Variants in SOS2 observed in about 807,000 individuals in gnomAD.
SOS2 encodes SOS Ras/Rho guanine nucleotide exchange factor 2, also known as son of sevenless homolog 2.
Under a neutral mutation model 148.2 loss-of-function variants are expected in SOS2, and 65 were observed. The ratio of observed to expected loss-of-function variants is 0.44; its 90% CI spans 0.36 to 0.54. The LOEUF is 0.54. Ranked by LOEUF, SOS2 falls within the 20% of genes least tolerant of loss-of-function variation. The pLI is 0.00. For missense variants in SOS2, 1,341 were observed against 1,590.2 expected (o/e 0.84, Z 2.67); for synonymous variants, 539 against 537.1 (o/e 1.00, Z -0.05).
intron 4 of SOS2, among the ~76,000 whole-genome samples, chr14:50,192,729 TG>T (rs889409770): frequency 6.2e-4 from 94 of 152,126 alleles, no homozygotes; most frequent in African/African-American, 2.1e-3. Flanking sequence ...CCAGGCGTGG[TG>T]GCAAGTGCCT....
At chr14:50,178,717 CAT>C (rs1159344263) in intron 7 of SOS2, among the ~76,000 whole-genome samples, 454 of 7,286 alleles carry the variant, frequency 0.062, 11 homozygotes, top group Middle Eastern at 0.17. Context: ...TATATACACA[CAT>C]ATACACACAC....
intron 21 of SOS2, among the ~76,000 whole-genome samples, chr14:50,129,215 T>TA (rs201014074): frequency 7.9e-5 from 12 of 151,120 alleles, no homozygotes; most frequent in Non-Finnish European, 1.2e-4. Flanking sequence ...TAAGATGATG[T>TA]AAAAAAAAAT....
rs189447829 is a variant in SOS2, at chr14:50,145,443, T to A, written c.2504+34A>T. The A allele has an allele frequency of 1.9e-6, 3 of 1,585,250 alleles. No homozygotes were observed. In the Admixed American group the frequency reaches 5.4e-5, roughly 28 times the overall value. Reference sequence around the variant, plus strand: ...CTTAAATATGACTTAATATTATGGCTATTAGGAGGTAGTAAGAGTAAATTA... The same window carrying A: ...CTTAAATATGACTTAATATTATGGCAATTAGGAGGTAGTAAGAGTAAATTA... On this transcript the variant is annotated intron_variant, in intron 15 of 22. Coordinates refer to ENST00000216373, the MANE Select transcript of SOS2 (RefSeq NM_006939.4).
chr14:50,144,221 T>C (rs1156604766), intron 16 of SOS2, among the ~76,000 whole-genome samples: 1 of 151,952 alleles, frequency 6.6e-6, no homozygotes, highest in Non-Finnish European at 1.5e-5. Flanking sequence ...GATTTATCCA[T>C]GATAGAAAAC....
intron 4 of SOS2, among the ~76,000 whole-genome samples, chr14:50,197,356 C>T (rs944391231): frequency 6.6e-6 from 1 of 152,142 alleles, no homozygotes; most frequent in African/African-American, 2.4e-5. Flanking sequence ...ATCAAGTCAT[C>T]GAAGTCAACA....
intron 4 of SOS2, among the ~76,000 whole-genome samples, chr14:50,196,957 T>G (rs890132542): frequency 6.6e-6 from 1 of 152,028 alleles, no homozygotes. Context: ...AGCCTCAACC[T>G]CCCGAGCTCC....
chr14:50,157,269 T>C lies in SOS2; in HGVS notation c.1935-148A>G, dbSNP rs1884851069. ...TGAGGTATGATATACTACAAAAAAC[T>C]GTCCTTTGGCTATACAAAACTGACG... On this transcript the variant is annotated intron_variant, in intron 11 of 22. Transcript: ENST00000216373. 9 of 798,286 alleles carry C rather than the reference T, an allele frequency of 1.1e-5. 1 individual carries two copies. In the East Asian group the frequency reaches 1.5e-4, roughly 13 times the overall value. 49.5% of individuals were successfully genotyped at this position (798,286 alleles called of 1,614,324 possible).
intron 12 of SOS2, among the ~76,000 whole-genome samples, chr14:50,155,316 A>G (rs1284103867): frequency 6.6e-6 from 1 of 152,158 alleles, no homozygotes; most frequent in Non-Finnish European, 1.5e-5. Context: ...AATTCCATAC[A>G]GGTAATCTCA....
At chr14:50,180,741 T>C (rs1403748606) in intron 6 of SOS2, 59 bp from the exon 7 acceptor site, 8 of 934,322 alleles carry the variant, frequency 8.6e-6, no homozygotes, top group Middle Eastern at 2.5e-4. Context: ...TCTACCAATA[T>C]GGTACAGATT....
chr14:50,220,423 G>A (rs372215871), intron 1 of SOS2, among the ~76,000 whole-genome samples: 4,236 of 39,706 alleles, frequency 0.11, 11 homozygotes, highest in East Asian at 0.14. Context: ...AAAAAAAAAA[G>A]AACAGACCCT....
Position 50,163,409 on chromosome 14 carries a change from C to T in SOS2, c.1069-1800G>A, listed in dbSNP as rs980165974. ...ACTGGCTATTGTTTGACAACTTTGTCCATTACCTTTTATTTATGTCTTAGA... is the reference window on the plus strand; with the variant it reads ...ACTGGCTATTGTTTGACAACTTTGTTCATTACCTTTTATTTATGTCTTAGA... On this transcript the variant is annotated intron_variant, in intron 8 of 22. Transcript: ENST00000216373. Among the ~76,000 whole-genome samples, 3 of 152,188 alleles carry T rather than the reference C, an allele frequency of 2.0e-5. No individual in the cohort carries two copies. In the South Asian group the frequency reaches 6.2e-4, roughly 32 times the overall value.
intron 21 of SOS2, among the ~76,000 whole-genome samples, chr14:50,126,671 A>T (rs767107816): frequency 6.6e-6 from 1 of 152,166 alleles, no homozygotes; most frequent in Non-Finnish European, 1.5e-5. Flanking sequence ...TGAAAGATAA[A>T]GTGAGGAAAT....
At chr14:50,130,108 T>A (rs1443988697) in intron 20 of SOS2, 106 bp from the exon 21 acceptor site, 4 of 684,708 alleles carry the variant, frequency 5.8e-6, no homozygotes, top group Non-Finnish European at 9.9e-6. Context: ...AATTTTATCA[T>A]CATCTTTTGC....
intron 2 of SOS2, among the ~76,000 whole-genome samples, chr14:50,201,891 C>T (rs188417861): frequency 2.1e-3 from 323 of 152,250 alleles, no homozygotes; most frequent in Admixed American, 5.4e-3. Context: ...CTCAGAATGG[C>T]TTATGAAAAT....
rs1448734708 is a variant in SOS2, at chr14:50,231,308, T to A, written c.-25A>T. 6 of 1,349,700 alleles carry A rather than the reference T, an allele frequency of 4.4e-6. No individual in the cohort carries two copies. In the South Asian group the frequency reaches 7.3e-5, roughly 16 times the overall value. 83.6% of individuals were successfully genotyped at this position (1,349,700 alleles called of 1,614,324 possible). On this transcript the variant is annotated 5_prime_UTR_variant, in exon 1 of 23. An upstream start codon of the reference 5' UTR is lost. Coordinates refer to ENST00000216373, the MANE Select transcript of SOS2 (RefSeq NM_006939.4). ...TGGCCCCGGCGACAGCGCCTCCGCA[T>A]CGGGGGCAGCCCGCGGGCCGGGCCG...
chr14:50,141,418 G>A (rs1295890438), intron 16 of SOS2, among the ~76,000 whole-genome samples: 1 of 151,556 alleles, frequency 6.6e-6, no homozygotes, highest in Admixed American at 6.6e-5. Flanking sequence ...CTACTCAGGA[G>A]ACTAAGGTAG....
chr14:50,183,527 T>A (rs960561427), intron 5 of SOS2, among the ~76,000 whole-genome samples: 3 of 152,152 alleles, frequency 2.0e-5, no homozygotes, highest in Non-Finnish European at 4.4e-5. Flanking sequence ...ATAAAAATAC[T>A]ACAAAATATA....
chr14:50,230,900 G>A (rs1013716804), intron 1 of SOS2: 14 of 1,063,718 alleles, frequency 1.3e-5, no homozygotes, highest in African/African-American at 3.3e-5. Context: ...TCTCTTGCCC[G>A]ATTCCAGCCT....
intron 2 of SOS2, among the ~76,000 whole-genome samples, chr14:50,202,638 G>C (rs1886530794): frequency 6.6e-6 from 1 of 152,148 alleles, no homozygotes; most frequent in African/African-American, 2.4e-5. Context: ...GGAAGGCTGA[G>C]GCAGGAGAAC....
Sources: gnomAD v4.1 joint callset for allele counts (sites outside exome capture counted in the v4.1 genomes callset) on GRCh38, gnomAD v4.1.1 for gene constraint, MANE v1.5 for transcripts, NCBI Gene and HGNC (gene_info 2026-07-23, HGNC 2026-07-21) for gene names.